The following PRKDC variants were observed in gnomAD, a reference collection of about 807,000 sequenced individuals.
PRKDC encodes protein kinase, DNA-activated, catalytic subunit.
Under a neutral mutation model 486.9 loss-of-function variants are expected in PRKDC, and 82 were observed. The ratio of observed to expected loss-of-function variants is 0.17; its 90% CI spans 0.14 to 0.20. The LOEUF is 0.20. Among genes scored for constraint, PRKDC ranks in the 10% least tolerant of loss-of-function variants. The pLI is 1.00. For synonymous variants in PRKDC, 1,895 were observed against 1,837.0 expected, an observed-to-expected ratio of 1.03 and a Z score of -0.81; for missense variants, 4,504 against 5,038.2, an observed-to-expected ratio of 0.89 and a Z score of 3.21.
intron 54 of PRKDC, among the ~76,000 whole-genome samples, chr8:47,846,570 GAAGCATTCCCCTTGA>G (rs2088269688): frequency 6.6e-6 from 1 of 152,066 alleles, no homozygotes; most frequent in Admixed American, 6.5e-5. Context: ...GTAAAAACTG[GAAGCATTCCCCTTGA>G]AAACTGGAAA....
chr8:47,831,696 C>T (rs2087880342), intron 60 of PRKDC, 118 bp downstream of exon 60: 3 of 1,128,588 alleles, frequency 2.7e-6, no homozygotes, highest in Admixed American at 1.8e-5. Context: ...GGAGCAGTCC[C>T]GCAACCTGGT....
intron 38 of PRKDC, among the ~76,000 whole-genome samples, chr8:47,881,059 A>AAAGAAAGCAAGAAAGC (rs796463191): frequency 1.3e-5 from 2 of 148,888 alleles, no homozygotes; most frequent in Non-Finnish European, 3.0e-5. Flanking sequence ...AAAAAAAAAA[A>AAAGAAAGCAAGAAAGC]AAGAAAGCAA....
At chr8:47,878,587 C>T (rs756466208) in intron 39 of PRKDC, among the ~76,000 whole-genome samples, 2 of 152,076 alleles carry the variant, frequency 1.3e-5, no homozygotes, top group African/African-American at 2.4e-5. Flanking sequence ...TATCCCAGGC[C>T]GCTCCCCCGA....
intron 61 of PRKDC, among the ~76,000 whole-genome samples, chr8:47,830,067 A>T (rs917922015): frequency 2.0e-5 from 3 of 152,258 alleles, no homozygotes; most frequent in Non-Finnish European, 4.4e-5. Flanking sequence ...TGGTACTGGT[A>T]CAAAAACAGA....
intron 16 of PRKDC, 71 bp from the exon 17 acceptor site, chr8:47,930,858 A>G (rs544036707): frequency 7.1e-7 from 1 of 1,418,400 alleles, no homozygotes; most frequent in East Asian, 2.5e-5. Flanking sequence ...TAACTTTCCA[A>G]CTGACTTCAT....
intron 25 of PRKDC, among the ~76,000 whole-genome samples, chr8:47,908,958 T>C (rs767092947): frequency 1.3e-5 from 2 of 152,172 alleles, no homozygotes; most frequent in Non-Finnish European, 2.9e-5. Flanking sequence ...TCTTCTCAAC[T>C]AGGCCTTGAT....
chr8:47,803,298 C>G lies in PRKDC; in HGVS notation c.9922+8G>C. ...TAAGATATAAGTGGATAAAAGCGGT[C>G]AACTTACCCAACAAAGAGACTGTTT... On this transcript the variant is annotated splice_region_variant and intron_variant, in intron 70 of 85. Coordinates refer to ENST00000314191, the MANE Select transcript of PRKDC (RefSeq NM_006904.7). 1 of 1,599,746 alleles carries G rather than the reference C, an allele frequency of 6.3e-7. No individual in the cohort carries two copies. The highest frequency in any genetic ancestry group is 1.7e-4 in the Middle Eastern group (1 of 5,960).
rs777519742 is a variant in PRKDC at position 47,881,935 on chromosome 8, C to G, written c.4939G>C (p.Ala1647Pro). The stretch of plus-strand genomic sequence containing the variant: ...ACCTGTAAAATTTTTGCCAGTAAGG[C>G]CAGCACTGCCATTTTAGTTTCGAGA... ...SPLETKMAVL[A>P]LLAKILQIDS... Residue 1647 changes from alanine to proline, a missense_variant, in exon 37 of 86, where the codon GCC becomes CCC. Ala to Pro is a conservative substitution (Grantham distance 27). Around this residue, in one of 6 missense-constraint regions of PRKDC, gnomAD observed 1,969 missense variants for 2,068.9 expected, o/e 0.95. Coordinates refer to ENST00000314191, the MANE Select transcript of PRKDC (RefSeq NM_006904.7). 6.2e-7 allele frequency: 1 copy of G among 1,612,804 alleles called. No individual in the cohort carries two copies. The highest frequency in any genetic ancestry group is 1.7e-5 in the Admixed American group (1 of 59,872).
Position 47,927,088 on chromosome 8 carries a change from A to T in PRKDC, c.2419+106T>A, listed in dbSNP as rs1023323770. The T allele has an allele frequency of 4.7e-6, 5 of 1,057,008 alleles. No homozygotes were observed. In the Admixed American group the frequency reaches 1.6e-4, roughly 33 times the overall value. 65.5% of individuals were successfully genotyped at this position (1,057,008 alleles called of 1,614,324 possible). A position where few individuals can be genotyped will look rare whatever the true frequency, so the allele number is the denominator to read the frequency against. On this transcript the variant is annotated intron_variant, in intron 21 of 85. Transcript: ENST00000314191. ...AATAGCAATCAAACATATTTTGAAC[A>T]CACTGGGCTTAAATTTCAGAAGTTA... is the stretch of plus-strand genomic sequence containing the variant.
intron 48 of PRKDC, among the ~76,000 whole-genome samples, chr8:47,857,871 C>G (rs1300842417): frequency 6.6e-6 from 1 of 152,132 alleles, no homozygotes; most frequent in Non-Finnish European, 1.5e-5. Flanking sequence ...CCACTTAGTG[C>G]CCTTAGTGGT....
At chr8:47,791,556 A>G (rs2086884654) in intron 74 of PRKDC, among the ~76,000 whole-genome samples, 1 of 152,216 alleles carries the variant, frequency 6.6e-6, no homozygotes, top group Non-Finnish European at 1.5e-5. Context: ...ATCTCATTTT[A>G]AAATGGGGCA....
chr8:47,873,052 G>C (rs2088994209), intron 40 of PRKDC, among the ~76,000 whole-genome samples: 1 of 151,990 alleles, frequency 6.6e-6, no homozygotes, highest in Non-Finnish European at 1.5e-5. Context: ...CACAAAACAA[G>C]TCTTAATACA....
chr8:47,930,821 C>T (rs1397940684), intron 16 of PRKDC, 34 bp from the exon 17 acceptor site: 3 of 1,516,230 alleles, frequency 2.0e-6, no homozygotes, highest in Non-Finnish European at 2.7e-6. Context: ...AAACATTGTA[C>T]CATTCAATCA....
In PRKDC at chr8:47,943,300, G is replaced by A; in HGVS notation, c.875C>T (p.Ser292Phe). The A allele has an allele frequency of 1.9e-6, 3 of 1,612,482 alleles. No homozygotes were observed. The highest frequency in any genetic ancestry group is 2.5e-6 in the Non-Finnish European group (3 of 1,179,196). The change falls in exon 10 of 86, where the codon TCT (serine) becomes TTT (phenylalanine). Residue 292 changes from serine to phenylalanine, a missense_variant. Coordinates refer to ENST00000314191, the MANE Select transcript of PRKDC (RefSeq NM_006904.7). ...FSTCLLDNYV[S>F]LFEVLLKWCA... The stretch of plus-strand genomic sequence containing the variant: ...CCACTTTAACAAGACTTCAAATAGA[G>A]ACACGTAGTTGTCCAGAAGGCAGGT...
chr8:47,921,854 A>T (rs2090077042), intron 21 of PRKDC, among the ~76,000 whole-genome samples: 1 of 151,928 alleles, frequency 6.6e-6, no homozygotes, highest in African/African-American at 2.4e-5. Flanking sequence ...CACAATCTCC[A>T]CTCACTGCAA....
chr8:47,891,540 GA>G (rs569278207), intron 31 of PRKDC, among the ~76,000 whole-genome samples: 280 of 152,090 alleles, frequency 1.8e-3, no homozygotes, highest in African/African-American at 6.6e-3. Flanking sequence ...CTAACACAGT[GA>G]AACCCCGTCT....
intron 22 of PRKDC, among the ~76,000 whole-genome samples, chr8:47,915,805 G>A (rs547203690): frequency 1.3e-5 from 2 of 152,218 alleles, no homozygotes; most frequent in Admixed American, 6.5e-5. Flanking sequence ...TCCTCACACC[G>A]ATATTGCAGT....
At chr8:47,868,634 C>T (rs923856879) in intron 40 of PRKDC, among the ~76,000 whole-genome samples, 1 of 152,002 alleles carries the variant, frequency 6.6e-6, no homozygotes, top group East Asian at 1.9e-4. Flanking sequence ...TAAATAGAAG[C>T]CTCCAGTGAT....
intron 23 of PRKDC, 21 bp downstream of exon 23, chr8:47,915,303 GTTAT>G (rs761493761): frequency 1.5e-6 from 2 of 1,336,500 alleles, no homozygotes; most frequent in African/African-American, 1.5e-5. Flanking sequence ...ATCTACAGAG[GTTAT>G]TTATTTTAAA....
Sources: allele counts gnomAD v4.1 joint callset (sites outside exome capture counted in the v4.1 genomes callset), GRCh38; gene constraint gnomAD v4.1.1; regional missense constraint gnomAD v4.1.1; transcripts MANE v1.5; gene names NCBI Gene and HGNC (gene_info 2026-07-23, HGNC 2026-07-21).